Variants in PSEN1 observed in about 807,000 individuals in gnomAD.
PSEN1 encodes presenilin-1.
A neutral mutation model predicts 53.5 loss-of-function variants in PSEN1; 15 were observed. That is an observed-to-expected ratio of 0.28 (90% confidence interval 0.19 to 0.43). The LOEUF (loss-of-function observed/expected upper bound fraction) is 0.43. PSEN1 is among the 20% of genes least tolerant of loss of function. The pLI is 1.00. For synonymous variants in PSEN1, 208 were observed against 209.8 expected (o/e 0.99, Z 0.08); for missense variants, 387 against 571.2 (o/e 0.68, Z 3.29).
chr14:73,162,578 G>C (rs1287341575), intron 3 of PSEN1, among the ~76,000 whole-genome samples: 2 of 151,786 alleles, frequency 1.3e-5, no homozygotes, highest in Admixed American at 1.3e-4. Flanking sequence ...AGGATTGCTT[G>C]AGCCTAGGAG....
Position 73,223,428 on chromosome 14 carries a change from A to G in PSEN1, c.*4139A>G, listed in dbSNP as rs1248787787. 6.6e-6 allele frequency: 1 copy of G among 152,216 alleles called. No homozygotes were observed. The highest frequency in any genetic ancestry group is 1.5e-5 in the Non-Finnish European group (1 of 68,056). The allele number at this position is 152,216 out of a possible 1,614,324, so 9.4% of individuals were successfully genotyped here. A position where few individuals can be genotyped will look rare whatever the true frequency, so the allele number is the denominator to read the frequency against. ...TAATTGTTGAGACTAGGCAGTTTCAAAGTCAGCTGCATATAGTAGCAAGTA... is the reference window on the plus strand; with the variant it reads ...TAATTGTTGAGACTAGGCAGTTTCAGAGTCAGCTGCATATAGTAGCAAGTA... On this transcript the variant is annotated 3_prime_UTR_variant, in exon 12 of 12. Coordinates refer to ENST00000324501, the MANE Select transcript of PSEN1 (RefSeq NM_000021.4).
intron 3 of PSEN1, among the ~76,000 whole-genome samples, chr14:73,163,962 G>A (rs1897632831): frequency 6.6e-6 from 1 of 152,122 alleles, no homozygotes; most frequent in Non-Finnish European, 1.5e-5. Context: ...CTGTAGTGTG[G>A]AGAATGGACT....
intron 3 of PSEN1, among the ~76,000 whole-genome samples, chr14:73,149,873 A>G (rs1360776709): frequency 6.6e-6 from 1 of 152,248 alleles, no homozygotes; most frequent in Non-Finnish European, 1.5e-5. Flanking sequence ...CTCATTCCAA[A>G]GGTTAAATCT....
At chr14:73,197,774 A>G in intron 7 of PSEN1, 1 of 487,496 alleles carries the variant, frequency 2.1e-6, no homozygotes, top group East Asian at 3.9e-5. Context: ...GTAACGATAC[A>G]CTGTACACTA....
At chr14:73,167,828 C>A (rs914052941) in intron 3 of PSEN1, 2 of 125,790 alleles carry the variant, frequency 1.6e-5, no homozygotes, top group African/African-American at 3.0e-5. Context: ...CCTCTTCCAC[C>A]TTTTTTTTTT....
chr14:73,206,725 A>G, intron 9 of PSEN1, among the ~76,000 whole-genome samples: 1 of 152,196 alleles, frequency 6.6e-6, no homozygotes, highest in Non-Finnish European at 1.5e-5. Flanking sequence ...GGAAAGGTTC[A>G]GGCTGAGGTT....
rs546391770 is a variant in PSEN1 at position 73,204,297 on chromosome 14, CT to C, written c.869-2074del. Among the ~76,000 whole-genome samples the C allele has an allele frequency of 6.8e-3, 929 of 137,318 alleles. 2 individuals carry two copies. The highest frequency in any genetic ancestry group is 9.9e-3 in the African/African-American group (373 of 37,700). 90.1% of individuals were successfully genotyped at this position (137,318 alleles called of 152,430 possible). On this transcript the variant is annotated intron_variant, in intron 8 of 11. Coordinates refer to ENST00000324501, the MANE Select transcript of PSEN1 (RefSeq NM_000021.4). The stretch of plus-strand genomic sequence containing the variant: ...ACAGGTGTGAGCCACCATGCCTGGC[CT>C]TTTTTTTTTTTTTTAATTTAAACGA...
At chr14:73,186,160 A>ACCTC (rs1275543999) in intron 5 of PSEN1, among the ~76,000 whole-genome samples, 1 of 152,168 alleles carries the variant, frequency 6.6e-6, no homozygotes, top group African/African-American at 2.4e-5. Flanking sequence ...CAGGTGGATC[A>ACCTC]CCTCAGGTCG....
intron 3 of PSEN1, chr14:73,168,627 C>T (rs753813529): frequency 6.6e-6 from 1 of 152,310 alleles, no homozygotes; most frequent in South Asian, 2.1e-4. Context: ...GGAAAGATCA[C>T]CTTCTTCCCA....
chr14:73,170,548 G>A (rs910691380), intron 3 of PSEN1, among the ~76,000 whole-genome samples: 5 of 152,194 alleles, frequency 3.3e-5, no homozygotes, highest in Admixed American at 1.3e-4. Flanking sequence ...AAGTACAATT[G>A]TGTATGTTGG....
intron 5 of PSEN1, among the ~76,000 whole-genome samples, chr14:73,182,909 C>T (rs1011019392): frequency 1.3e-5 from 2 of 151,624 alleles, no homozygotes; most frequent in Non-Finnish European, 2.9e-5. Flanking sequence ...GCCAAAAAAC[C>T]GAGGTGAAAA....
chr14:73,205,478 CA>C (rs34992040), intron 8 of PSEN1, among the ~76,000 whole-genome samples: 11,866 of 64,800 alleles, frequency 0.18, 365 homozygotes, highest in African/African-American at 0.28. Flanking sequence ...GACTCTGTCT[CA>C]AAAAAAAAAA....
intron 9 of PSEN1, among the ~76,000 whole-genome samples, chr14:73,211,084 A>G (rs1290561083): frequency 6.6e-6 from 1 of 152,214 alleles, no homozygotes; most frequent in Non-Finnish European, 1.5e-5. Flanking sequence ...GGAAGCTTTC[A>G]GTTGCAAAAG....
chr14:73,194,933 A>G (rs1446857107), intron 7 of PSEN1, among the ~76,000 whole-genome samples: 1 of 152,192 alleles, frequency 6.6e-6, no homozygotes, highest in African/African-American at 2.4e-5. Flanking sequence ...AATAGGAAAC[A>G]TCATCCTCAT....
At chr14:73,150,764 CAAAAA>C (rs35747435) in intron 3 of PSEN1, among the ~76,000 whole-genome samples, 2 of 35,924 alleles carry the variant, frequency 5.6e-5, no homozygotes, top group African/African-American at 2.3e-4. Context: ...GACTCTGTCT[CAAAAA>C]AAAAAAAAAA....
At chr14:73,149,597 T>G (rs1379504365) in intron 3 of PSEN1, among the ~76,000 whole-genome samples, 2 of 152,176 alleles carry the variant, frequency 1.3e-5, no homozygotes, top group African/African-American at 4.8e-5. Context: ...TGGGAAGTTT[T>G]GATGTGCCCA....
intron 7 of PSEN1, among the ~76,000 whole-genome samples, chr14:73,193,602 C>CTT (rs1428208397): frequency 6.7e-5 from 10 of 148,430 alleles, no homozygotes; most frequent in Non-Finnish European, 1.5e-4. Context: ...GGTAGACACA[C>CTT]AAAATGCTCA....
Position 73,219,395 on chromosome 14 carries a change from C to G in PSEN1, c.*106C>G. 7.9e-7 allele frequency: 1 copy of G among 1,268,944 alleles called. No individual in the cohort carries two copies. Among genetic ancestry groups the G allele is most frequent in the South Asian group, 1.2e-5 (1 of 83,452 alleles). 78.6% of individuals were successfully genotyped at this position (1,268,944 alleles called of 1,614,324 possible). ...GTCCACATCTAACAAAGTCAAGATT[C>G]CCGGCTGGACTTTTGCAGCTTCCTT... On this transcript the variant is annotated 3_prime_UTR_variant, in exon 12 of 12. Coordinates refer to ENST00000324501, the MANE Select transcript of PSEN1 (RefSeq NM_000021.4).
At chr14:73,194,560 C>T (rs965157693) in intron 7 of PSEN1, among the ~76,000 whole-genome samples, 5 of 150,438 alleles carry the variant, frequency 3.3e-5, no homozygotes, top group Admixed American at 2.6e-4. Context: ...CATGCCTGGC[C>T]ATACACTTTT....
Sources: gnomAD v4.1 joint callset for allele counts (sites outside exome capture counted in the v4.1 genomes callset) on GRCh38, gnomAD v4.1.1 for gene constraint, MANE v1.5 for transcripts, NCBI Gene and HGNC (gene_info 2026-07-23, HGNC 2026-07-21) for gene names.